Variants in OTUD7A observed in about 807,000 individuals in gnomAD.
The protein encoded by OTUD7A is OTU deubiquitinase 7A.
OTUD7A carries 12 observed loss-of-function variants against 65.7 expected under a neutral mutation model. That is an observed-to-expected ratio of 0.18 (90% CI 0.12 to 0.30). The LOEUF (loss-of-function observed/expected upper bound fraction) is 0.30. Ranked by LOEUF, OTUD7A falls within the 10% of genes least tolerant of loss-of-function variation. The pLI, the probability that OTUD7A is intolerant of heterozygous loss-of-function variation, is 1.00. For synonymous variants in OTUD7A, 641 were observed against 586.3 expected, an observed-to-expected ratio of 1.09 and a Z score of -1.35; for missense variants, 1,148 against 1,304.8, an observed-to-expected ratio of 0.88 and a Z score of 1.85.
At chr15:31,603,845 G>A (rs1890156427) in intron 3 of OTUD7A, among the ~76,000 whole-genome samples, 1 of 152,156 alleles carries the variant, frequency 6.6e-6, no homozygotes, top group African/African-American at 2.4e-5. Context: ...ATGAAAAAAA[G>A]CTCATCATCA....
At chr15:31,773,033 T>G (rs1474616305) in intron 1 of OTUD7A, among the ~76,000 whole-genome samples, 4 of 152,238 alleles carry the variant, frequency 2.6e-5, no homozygotes, top group Admixed American at 2.6e-4. Context: ...TAATTACAGA[T>G]ATGTATATTT....
intron 5 of OTUD7A, among the ~76,000 whole-genome samples, chr15:31,550,548 T>C (rs1888288217): frequency 6.6e-6 from 1 of 152,110 alleles, no homozygotes; most frequent in Non-Finnish European, 1.5e-5. Flanking sequence ...GGAACTAAAT[T>C]CTGCCAACCG....
intron 1 of OTUD7A, among the ~76,000 whole-genome samples, chr15:31,799,741 C>T (rs972983076): frequency 4.6e-5 from 7 of 152,258 alleles, no homozygotes; most frequent in African/African-American, 1.7e-4. Context: ...GTTATGGCAG[C>T]CTGAGCTTAC....
chr15:31,491,345 A>C (rs1260015890), intron 10 of OTUD7A, among the ~76,000 whole-genome samples: 1 of 152,226 alleles, frequency 6.6e-6, no homozygotes. Context: ...GCTAGAAATG[A>C]AAAACACCAT....
At chr15:31,541,480 G>A (rs527958731) in intron 5 of OTUD7A, among the ~76,000 whole-genome samples, 1 of 152,276 alleles carries the variant, frequency 6.6e-6, no homozygotes, top group African/African-American at 2.4e-5. Context: ...AGATAAAGTA[G>A]GGGCTGAAGG....
chr15:31,567,895 A>T (rs1888926870), intron 4 of OTUD7A, among the ~76,000 whole-genome samples: 1 of 152,236 alleles, frequency 6.6e-6, no homozygotes, highest in Non-Finnish European at 1.5e-5. Flanking sequence ...AAACCTGTAG[A>T]CATGTAGAAT....
intron 1 of OTUD7A, among the ~76,000 whole-genome samples, chr15:31,816,840 GCA>G (rs1483075942): frequency 2.6e-5 from 4 of 152,152 alleles, no homozygotes; most frequent in Non-Finnish European, 5.9e-5. Context: ...TTTTTCATAT[GCA>G]CTCATGCCTG....
At chr15:31,672,805 T>C (rs1379656773) in intron 1 of OTUD7A, among the ~76,000 whole-genome samples, 5 of 152,220 alleles carry the variant, frequency 3.3e-5, no homozygotes, top group South Asian at 2.1e-4. Context: ...TACCTTCCCA[T>C]AGTTTTCTCC....
intron 1 of OTUD7A, among the ~76,000 whole-genome samples, chr15:31,701,393 A>C (rs1052447172): frequency 2.7e-5 from 4 of 150,626 alleles, no homozygotes; most frequent in African/African-American, 9.8e-5. Flanking sequence ...ATTATTATTT[A>C]AAGTTATTAT....
At chr15:31,515,506 A>G (rs2041831829) in intron 8 of OTUD7A, among the ~76,000 whole-genome samples, 2 of 152,172 alleles carry the variant, frequency 1.3e-5, no homozygotes, top group East Asian at 3.8e-4. Context: ...TGTGAAAGGC[A>G]CTGCAGAGGC....
intron 3 of OTUD7A, among the ~76,000 whole-genome samples, chr15:31,598,357 C>T (rs919670789): frequency 2.6e-5 from 4 of 152,108 alleles, no homozygotes; most frequent in Admixed American, 2.0e-4. Flanking sequence ...GAGGGCGAGC[C>T]GAAGCAGGGC....
chr15:31,578,067 C>T (rs143371700), intron 3 of OTUD7A, among the ~76,000 whole-genome samples: 5 of 152,178 alleles, frequency 3.3e-5, no homozygotes, highest in East Asian at 1.9e-4. Flanking sequence ...GAAGGCCCCC[C>T]GACAACCATC....
In OTUD7A at chr15:31,481,907, A is replaced by G. The variant is rs993280853; in HGVS notation, c.*1387T>C. On this transcript the variant is annotated 3_prime_UTR_variant, in exon 13 of 13. Coordinates refer to ENST00000307050, the MANE Select transcript of OTUD7A (RefSeq NM_001382637.1). ...TCCTGTCCTAGGATTATTAGAAGCT[A>G]TTCTAAGGCTCTCACAGGTTTTATA... 3.3e-5 allele frequency: 5 copies of G among 152,186 alleles called. No individual in the cohort carries two copies. The allele number at this position is 152,186 out of a possible 1,614,324, so 9.4% of individuals were successfully genotyped here.
Position 31,482,182 on chromosome 15 carries a change from TTG to T in OTUD7A, c.*1110_*1111del, listed in dbSNP as rs1323120790. The T allele has an allele frequency of 1.3e-5, 2 of 152,202 alleles. No individual in the cohort carries two copies. Among genetic ancestry groups the T allele is most frequent in the East Asian group, 3.9e-4 (2 of 5,188 alleles). 9.4% of individuals were successfully genotyped at this position (152,202 alleles called of 1,614,324 possible). On this transcript the variant is annotated 3_prime_UTR_variant, in exon 13 of 13. Coordinates refer to ENST00000307050, the MANE Select transcript of OTUD7A (RefSeq NM_001382637.1). Reference sequence around the variant, plus strand: ...GCTCAGGGATCGGGCTGCTCCCTCATTGTGTCACGAGACGGAGGCAGGGTCGT... The same window carrying T: ...GCTCAGGGATCGGGCTGCTCCCTCATTGTCACGAGACGGAGGCAGGGTCGT...
chr15:31,653,771 T>TA (rs766845592), intron 3 of OTUD7A, among the ~76,000 whole-genome samples: 88 of 151,034 alleles, frequency 5.8e-4, no homozygotes, highest in Non-Finnish European at 1.1e-3. Context: ...AAAATATAAG[T>TA]AAAAAAAATA....
chr15:31,557,066 C>A (rs1888521439), intron 5 of OTUD7A: 1 of 152,210 alleles, frequency 6.6e-6, no homozygotes, highest in African/African-American at 2.4e-5. Context: ...AACATGAGAT[C>A]CAGCTGTTGG....
At chr15:31,840,014 A>G (rs1897146632) in intron 1 of OTUD7A, among the ~76,000 whole-genome samples, 1 of 152,106 alleles carries the variant, frequency 6.6e-6, no homozygotes, top group South Asian at 2.1e-4. Flanking sequence ...CTCTAACTAC[A>G]CAAAATAAAA....
chr15:31,559,639 GAC>G (rs751203025), intron 4 of OTUD7A, among the ~76,000 whole-genome samples: 6 of 152,058 alleles, frequency 3.9e-5, no homozygotes, highest in African/African-American at 9.6e-5. Flanking sequence ...CATGCATGCA[GAC>G]ACACACATAG....
chr15:31,539,120 G>A (rs1330921902), intron 5 of OTUD7A, among the ~76,000 whole-genome samples: 1 of 152,040 alleles, frequency 6.6e-6, no homozygotes, highest in African/African-American at 2.4e-5. Context: ...TCCTAGGTGG[G>A]GAGTGGCTAT....
Sources: allele counts gnomAD v4.1 joint callset (sites outside exome capture counted in the v4.1 genomes callset), GRCh38; gene constraint gnomAD v4.1.1; transcripts MANE v1.5; gene names NCBI Gene and HGNC (gene_info 2026-07-23, HGNC 2026-07-21).